Variants in FSTL5 observed in about 807,000 individuals in gnomAD.
The protein encoded by FSTL5 is follistatin like 5, also known as follistatin-related protein 5.
Under a neutral mutation model 89.1 loss-of-function variants are expected in FSTL5, and 62 were observed. That is an observed-to-expected ratio of 0.70 (90% CI 0.57 to 0.86). FSTL5 has a LOEUF of 0.86. Ranked by LOEUF, FSTL5 falls within the 40% of genes least tolerant of loss-of-function variation. FSTL5 has a pLI of 0.00. For synonymous variants in FSTL5, 383 were observed against 346.2 expected (o/e 1.11, Z -1.18); for missense variants, 1,057 against 1,001.6 (o/e 1.06, Z -0.75).
At chr4:161,871,861 C>A (rs1345046313) in intron 4 of FSTL5, among the ~76,000 whole-genome samples, 1 of 152,078 alleles carries the variant, frequency 6.6e-6, no homozygotes, top group Non-Finnish European at 1.5e-5. Flanking sequence ...ATTATAGTGT[C>A]TATCTCACAA....
intron 13 of FSTL5, among the ~76,000 whole-genome samples, chr4:161,467,212 C>T (rs1733777557): frequency 1.3e-5 from 2 of 151,688 alleles, no homozygotes; most frequent in Admixed American, 6.6e-5. Flanking sequence ...TAATGTATAC[C>T]ACTTTTTATA....
At chr4:162,090,619 G>C (rs1208876869) in intron 2 of FSTL5, among the ~76,000 whole-genome samples, 1 of 151,924 alleles carries the variant, frequency 6.6e-6, no homozygotes. Context: ...CCAGGAGTTC[G>C]AGACTAGCCT....
chr4:161,779,802 T>TGTATATATAC (rs1741582210), intron 4 of FSTL5, among the ~76,000 whole-genome samples: 1 of 56,496 alleles, frequency 1.8e-5, no homozygotes, highest in Non-Finnish European at 2.8e-5. Flanking sequence ...TATATATATA[T>TGTATATATAC]ATATATATGT....
intron 1 of FSTL5, among the ~76,000 whole-genome samples, chr4:162,143,703 G>A (rs10517761): frequency 0.77 from 113,540 of 148,336 alleles, 43,488 homozygotes; most frequent in Non-Finnish European, 0.82. Flanking sequence ...CTAAGGGTAC[G>A]TTGTATCTGA....
intron 1 of FSTL5, among the ~76,000 whole-genome samples, chr4:162,157,440 C>G (rs1367648445): frequency 6.6e-6 from 1 of 151,908 alleles, no homozygotes; most frequent in Non-Finnish European, 1.5e-5. Context: ...GACTTCAAAT[C>G]TGGGTCACAG....
intron 2 of FSTL5, among the ~76,000 whole-genome samples, chr4:162,039,488 G>C (rs1737867452): frequency 6.6e-6 from 1 of 151,840 alleles, no homozygotes; most frequent in African/African-American, 2.4e-5. Flanking sequence ...AGCAATACTG[G>C]AAAGTTATTT....
Position 162,001,202 on chromosome 4 carries a change from A to G in FSTL5, c.160+32423T>C, listed in dbSNP as rs111418220. On this transcript the variant is annotated intron_variant, in intron 3 of 15. Coordinates refer to ENST00000306100, the MANE Select transcript of FSTL5 (RefSeq NM_020116.5). ...ACCAGCTATATGCCAGCAACTGAAT[A>G]TTGTCTCTCTTTATCCCATTCCATT... Among the ~76,000 whole-genome samples the G allele has an allele frequency of 1.0e-3, 155 of 152,312 alleles. 1 individual carries two copies. Among genetic ancestry groups the G allele is most frequent in the African/African-American group, 2.9e-3 (119 of 41,564 alleles).
At chr4:162,071,560 C>T (rs761579649) in intron 2 of FSTL5, among the ~76,000 whole-genome samples, 7 of 151,684 alleles carry the variant, frequency 4.6e-5, no homozygotes, top group Non-Finnish European at 8.9e-5. Context: ...GACTTCAACA[C>T]CTCACATTCA....
chr4:162,154,521 G>GT (rs1421796738), intron 1 of FSTL5, among the ~76,000 whole-genome samples: 1 of 152,050 alleles, frequency 6.6e-6, no homozygotes, highest in African/African-American at 2.4e-5. Flanking sequence ...TAAATATAAT[G>GT]TTAAATACAA....
Position 161,697,772 on chromosome 4 carries a change from C to T in FSTL5, c.728-41278G>A, listed in dbSNP as rs991344633. On this transcript the variant is annotated intron_variant, in intron 6 of 15. Coordinates refer to ENST00000306100, the MANE Select transcript of FSTL5 (RefSeq NM_020116.5). Reference sequence around the variant, plus strand: ...CTCAGAAAGACAAATACCACATGTTCTCACTCATATGTGGAAGTCAAAAAA... The same window carrying T: ...CTCAGAAAGACAAATACCACATGTTTTCACTCATATGTGGAAGTCAAAAAA... 4.6e-5 allele frequency among the ~76,000 whole-genome samples: 7 copies of T among 152,262 alleles called. No individual in the cohort carries two copies. In the South Asian group the frequency reaches 1.4e-3, roughly 32 times the overall value.
At chr4:162,146,414 C>A (rs556032191) in intron 1 of FSTL5, among the ~76,000 whole-genome samples, 4 of 151,772 alleles carry the variant, frequency 2.6e-5, no homozygotes, top group African/African-American at 9.7e-5. Flanking sequence ...CTAAAAGAAC[C>A]TTTTTATAAC....
intron 4 of FSTL5, among the ~76,000 whole-genome samples, chr4:161,832,465 C>T (rs569692196): frequency 6.6e-6 from 1 of 152,218 alleles, no homozygotes; most frequent in East Asian, 1.9e-4. Context: ...GTACCAGTTC[C>T]TCCTTGTACT....
intron 6 of FSTL5, among the ~76,000 whole-genome samples, chr4:161,755,292 C>T (rs59537703): frequency 0.081 from 12,302 of 151,924 alleles, 951 homozygotes; most frequent in African/African-American, 0.2. Context: ...ATTAAAATAA[C>T]TTATCTAATC....
At chr4:161,866,010 C>T (rs1043677432) in intron 4 of FSTL5, among the ~76,000 whole-genome samples, 1 of 152,148 alleles carries the variant, frequency 6.6e-6, no homozygotes, top group African/African-American at 2.4e-5. Context: ...GGTGTGAATA[C>T]TTTTAAGTAT....
chr4:161,444,104 G>A (rs1732866628), intron 15 of FSTL5, among the ~76,000 whole-genome samples: 1 of 151,868 alleles, frequency 6.6e-6, no homozygotes, highest in Non-Finnish European at 1.5e-5. Flanking sequence ...GAGGAATCTA[G>A]TGGTTTTCTG....
At chr4:161,553,285 C>T (rs950664841) in intron 8 of FSTL5, among the ~76,000 whole-genome samples, 7 of 150,958 alleles carry the variant, frequency 4.6e-5, no homozygotes, top group Non-Finnish European at 7.4e-5. Context: ...TATATTAATA[C>T]AGGAACATTA....
intron 6 of FSTL5, among the ~76,000 whole-genome samples, chr4:161,722,954 C>T (rs1333705908): frequency 6.6e-6 from 1 of 151,952 alleles, no homozygotes; most frequent in Non-Finnish European, 1.5e-5. Flanking sequence ...ATAATGTCAC[C>T]CTTACATTTA....
intron 3 of FSTL5, among the ~76,000 whole-genome samples, chr4:161,936,246 T>C (rs749108897): frequency 2.6e-5 from 4 of 151,952 alleles, no homozygotes; most frequent in Non-Finnish European, 4.4e-5. Context: ...TTCTTTTGCA[T>C]ATATCTACAC....
Position 162,144,032 on chromosome 4 carries a change from A to G in FSTL5, c.-17+19583T>C, listed in dbSNP as rs146542190. Among the ~76,000 whole-genome samples the G allele has an allele frequency of 1.1e-4, 16 of 152,294 alleles. No homozygotes were observed. The East Asian group carries it at 1.9e-3, about 18-fold the overall frequency. ...GTGATGGCCCAAGTAAAGAGCTTCT[A>G]TAATTATGTCTAAAACAAAACCTGC... On this transcript the variant is annotated intron_variant, in intron 1 of 15. Coordinates refer to ENST00000306100, the MANE Select transcript of FSTL5 (RefSeq NM_020116.5).
Sources: allele counts gnomAD v4.1 joint callset (sites outside exome capture counted in the v4.1 genomes callset), GRCh38; gene constraint gnomAD v4.1.1; transcripts MANE v1.5; gene names NCBI Gene and HGNC (gene_info 2026-07-23, HGNC 2026-07-21).